Variants in FOXJ3 observed in about 807,000 individuals in gnomAD.
FOXJ3 encodes the protein forkhead box J3, also known as forkhead box protein J3.
FOXJ3 carries 22 observed loss-of-function variants against 76.1 expected under a neutral mutation model. That is an observed-to-expected ratio of 0.29 (90% CI 0.21 to 0.41). FOXJ3 has a LOEUF of 0.41. FOXJ3 is among the 10% of genes least tolerant of loss of function. The pLI is 1.00. For missense variants in FOXJ3, 613 were observed against 762.1 expected (o/e 0.80, Z 2.30); for synonymous variants, 269 against 261.2 (o/e 1.03, Z -0.29).
chr1:42,220,159 T>C (rs1647151146), intron 5 of FOXJ3, among the ~76,000 whole-genome samples: 2 of 152,192 alleles, frequency 1.3e-5, no homozygotes, highest in South Asian at 4.1e-4. Flanking sequence ...ACTTCTTCCA[T>C]AAAAGTGTTG....
chr1:42,202,075 G>C (rs1237731730), intron 6 of FOXJ3, among the ~76,000 whole-genome samples: 4 of 151,888 alleles, frequency 2.6e-5, no homozygotes, highest in Non-Finnish European at 4.4e-5. Context: ...TCAGCAAATT[G>C]TATTTCTCTT....
intron 11 of FOXJ3, among the ~76,000 whole-genome samples, 179 bp from the exon 12 acceptor site, chr1:42,182,203 C>A (rs965962726): frequency 1.1e-4 from 17 of 152,192 alleles, no homozygotes; most frequent in Admixed American, 5.9e-4. Flanking sequence ...GCCTTTTGAA[C>A]AGGGTGCCAG....
At chr1:42,224,469 A>G (rs557800162) in intron 5 of FOXJ3, among the ~76,000 whole-genome samples, 28 of 152,232 alleles carry the variant, frequency 1.8e-4, no homozygotes, top group Non-Finnish European at 3.1e-4. Flanking sequence ...CCTGGCCAAC[A>G]TGATGAAACC....
chr1:42,318,909 CATAGCAGTATT>C (rs1655273317), intron 1 of FOXJ3, among the ~76,000 whole-genome samples: 1 of 152,128 alleles, frequency 6.6e-6, no homozygotes, highest in Non-Finnish European at 1.5e-5. Flanking sequence ...CAAGAATGTT[CATAGCAGTATT>C]AAATCATAAT....
At chr1:42,245,133 T>C (rs930098392) in intron 4 of FOXJ3, among the ~76,000 whole-genome samples, 6 of 144,882 alleles carry the variant, frequency 4.1e-5, no homozygotes, top group South Asian at 4.3e-4. Context: ...TGAGCCAAGA[T>C]TGCACTACTG....
At chr1:42,220,313 C>A (rs554855964) in intron 5 of FOXJ3, among the ~76,000 whole-genome samples, 1 of 152,118 alleles carries the variant, frequency 6.6e-6, no homozygotes, top group African/African-American at 2.4e-5. Context: ...AACAGTTGTG[C>A]ACATACACAC....
At chr1:42,231,890 T>G (rs1648167452) in intron 4 of FOXJ3, among the ~76,000 whole-genome samples, 2 of 152,132 alleles carry the variant, frequency 1.3e-5, no homozygotes, top group African/African-American at 4.8e-5. Flanking sequence ...GTTGGTGTGC[T>G]GCACCCATTA....
Position 42,188,815 on chromosome 1 carries a change from G to A in FOXJ3, c.1567C>T (p.His523Tyr), listed in dbSNP as rs754807643. Residue 523 changes from histidine (H) to tyrosine (Y), a missense_variant, in exon 11 of 13, where the codon CAT (histidine) becomes TAT (tyrosine). Physicochemically the swap from His to Tyr is moderately conservative, Grantham distance 83. Around this residue, in one of 3 missense-constraint regions of FOXJ3, gnomAD observed 526 missense variants for 601.4 expected, o/e 0.87. Transcript: ENST00000361346. ...NQFFTQTGLI[H>Y]SQSNVQQNVC... Reference sequence around the variant, plus strand: ...TTTTGTTGAACATTACTCTGTGAATGTATAAGGCCAGTTTGTGTAAAGAAC... The same window carrying A: ...TTTTGTTGAACATTACTCTGTGAATATATAAGGCCAGTTTGTGTAAAGAAC... 2 of 1,613,208 alleles carry A rather than the reference G, an allele frequency of 1.2e-6. No individual in the cohort carries two copies. The highest frequency in any genetic ancestry group is 4.5e-5 in the East Asian group (2 of 44,842).
intron 2 of FOXJ3, among the ~76,000 whole-genome samples, chr1:42,288,126 T>C (rs562195150): frequency 7.9e-5 from 12 of 152,334 alleles, no homozygotes; most frequent in African/African-American, 2.9e-4. Flanking sequence ...AAATGTTTAT[T>C]CTGTCATCAA....
chr1:42,301,412 G>A (rs887585019), intron 2 of FOXJ3, among the ~76,000 whole-genome samples: 3 of 152,016 alleles, frequency 2.0e-5, no homozygotes, highest in Non-Finnish European at 4.4e-5. Flanking sequence ...ATGTTGGCCA[G>A]GCTGGTCTCG....
At chr1:42,235,451 T>C (rs193245428) in intron 4 of FOXJ3, among the ~76,000 whole-genome samples, 30 of 152,216 alleles carry the variant, frequency 2.0e-4, no homozygotes, top group Non-Finnish European at 3.7e-4. Context: ...ATGAACCCAG[T>C]ACCTCAGTTG....
chr1:42,219,199 AG>A (rs1208516052), intron 5 of FOXJ3, among the ~76,000 whole-genome samples: 1 of 152,204 alleles, frequency 6.6e-6, no homozygotes, highest in Non-Finnish European at 1.5e-5. Flanking sequence ...TATTCTGAGC[AG>A]GGTGATAAAA....
chr1:42,192,624 A>C (rs1557624905), intron 8 of FOXJ3, among the ~76,000 whole-genome samples: 1 of 152,214 alleles, frequency 6.6e-6, no homozygotes, highest in Non-Finnish European at 1.5e-5. Context: ...AATGTTAAGG[A>C]TAATTTATGT....
intron 4 of FOXJ3, among the ~76,000 whole-genome samples, chr1:42,257,010 A>T (rs1557679413): frequency 6.6e-6 from 1 of 152,216 alleles, no homozygotes; most frequent in African/African-American, 2.4e-5. Context: ...TTACGGAAAA[A>T]AATCTACTAT....
intron 3 of FOXJ3, among the ~76,000 whole-genome samples, chr1:42,270,834 A>G (rs1397540737): frequency 3.9e-5 from 6 of 152,134 alleles, no homozygotes; most frequent in Admixed American, 3.3e-4. Flanking sequence ...GACAATTCTA[A>G]TTTTAAAAGC....
intron 4 of FOXJ3, among the ~76,000 whole-genome samples, chr1:42,230,741 T>C (rs1020447772): frequency 3.9e-5 from 6 of 152,048 alleles, no homozygotes; most frequent in South Asian, 2.1e-4. Context: ...CTGAAACTCT[T>C]ATGCACTACT....
At position 42,325,413 on chromosome 1, in the gene FOXJ3, C is replaced by A. The variant is rs1404186908; in HGVS notation, c.-18+9646G>T. On this transcript the variant is annotated intron_variant, in intron 1 of 12. Transcript: ENST00000361346. ...AGAAAACAGAAGAAATCACAGGATA[C>A]TTCCAGATGCCAAGGACATCTCTGA... Among the ~76,000 whole-genome samples, 3 of 152,224 alleles carry A rather than the reference C, an allele frequency of 2.0e-5. No homozygotes were observed. In the East Asian group the frequency reaches 5.8e-4, roughly 29 times the overall value.
chr1:42,308,735 G>C (rs965095465), intron 2 of FOXJ3, among the ~76,000 whole-genome samples: 2 of 152,112 alleles, frequency 1.3e-5, no homozygotes, highest in Non-Finnish European at 1.5e-5. Context: ...ATTGTGCAGA[G>C]GAATTACAAC....
rs570662850 is a variant in FOXJ3, at chr1:42,212,025, G to A, written c.529-6162C>T. 1.5e-3 allele frequency among the ~76,000 whole-genome samples: 228 copies of A among 152,294 alleles called. 1 individual carries two copies. The highest frequency in any genetic ancestry group is 5.3e-3 in the African/African-American group (220 of 41,566). ...TCCCAGCACTTTGGGAGGCAAAGGT[G>A]GGTGGATCATTTGAGGTCAGGAGTT... On this transcript the variant is annotated intron_variant, in intron 5 of 12. Coordinates refer to ENST00000361346, the MANE Select transcript of FOXJ3 (RefSeq NM_014947.5).
Sources: gnomAD v4.1 joint callset for allele counts (sites outside exome capture counted in the v4.1 genomes callset) on GRCh38, gnomAD v4.1.1 for gene constraint, gnomAD v4.1.1 regional missense constraint, MANE v1.5 for transcripts, NCBI Gene and HGNC (gene_info 2026-07-23, HGNC 2026-07-21) for gene names.